MTDH: variants seen among roughly 807,000 people sequenced by gnomAD.
The protein encoded by MTDH is protein LYRIC.
In MTDH, 34 loss-of-function variants were observed where a neutral mutation model predicts 72.7. That is an observed-to-expected ratio of 0.47 (90% confidence interval 0.36 to 0.62). MTDH has a LOEUF of 0.62. Among genes scored for constraint, MTDH ranks in the 20% least tolerant of loss-of-function variants. MTDH has a pLI of 0.00. For synonymous variants in MTDH, 266 were observed against 268.9 expected (o/e 0.99, Z 0.10); for missense variants, 677 against 699.4 (o/e 0.97, Z 0.36).
chr8:97,655,565 C>T (rs1220053169), intron 1 of MTDH, among the ~76,000 whole-genome samples: 3 of 152,194 alleles, frequency 2.0e-5, no homozygotes, highest in Non-Finnish European at 2.9e-5. Context: ...ACCACCAGGA[C>T]TTAACATTCA....
intron 6 of MTDH, among the ~76,000 whole-genome samples, chr8:97,693,033 T>C (rs1813681800): frequency 6.6e-6 from 1 of 151,874 alleles, no homozygotes. Context: ...CACCTGGCCA[T>C]GTTTTGCGGT....
chr8:97,669,033 G>A (rs1289070020), intron 2 of MTDH, among the ~76,000 whole-genome samples: 2 of 152,048 alleles, frequency 1.3e-5, no homozygotes. Flanking sequence ...CTGAACTCCA[G>A]CCACATTGGT....
intron 1 of MTDH, among the ~76,000 whole-genome samples, chr8:97,654,686 A>G (rs1811898409): frequency 6.6e-6 from 1 of 152,070 alleles, no homozygotes; most frequent in Non-Finnish European, 1.5e-5. Flanking sequence ...TAAGCCCCAC[A>G]TGCATTAGGT....
At chr8:97,690,853 A>C in intron 5 of MTDH, 99 bp from the exon 6 acceptor site, 1 of 828,232 alleles carries the variant, frequency 1.2e-6, no homozygotes, top group Non-Finnish European at 1.8e-6. Context: ...AGGGGAAGTG[A>C]GTAATAAATA....
intron 5 of MTDH, among the ~76,000 whole-genome samples, chr8:97,690,075 A>G (rs538326463): frequency 6.7e-5 from 10 of 149,248 alleles, no homozygotes; most frequent in Non-Finnish European, 1.5e-5. Context: ...GCTCACTGCA[A>G]CCTCCGCCTC....
chr8:97,686,025 T>C (rs78960548), intron 2 of MTDH, among the ~76,000 whole-genome samples: 5,449 of 152,224 alleles, frequency 0.036, 298 homozygotes, highest in African/African-American at 0.12. Context: ...TGGATTGAAG[T>C]ATTAAACATC....
At chr8:97,700,028 A>G (rs1488925190) in intron 7 of MTDH, among the ~76,000 whole-genome samples, 176 bp downstream of exon 7, 4 of 152,254 alleles carry the variant, frequency 2.6e-5, no homozygotes. Context: ...CTGTAGAATT[A>G]AAACTGAATT....
chr8:97,717,013 G>A (rs944996874), intron 9 of MTDH, among the ~76,000 whole-genome samples: 3 of 152,124 alleles, frequency 2.0e-5, no homozygotes, highest in Non-Finnish European at 2.9e-5. Flanking sequence ...TGTGGCTGAT[G>A]GGGTCTTTCA....
chr8:97,654,303 A>C (rs1368773347), intron 1 of MTDH, among the ~76,000 whole-genome samples: 1 of 152,242 alleles, frequency 6.6e-6, no homozygotes, highest in Non-Finnish European at 1.5e-5. Context: ...TGCTGTGTGC[A>C]TAACATTTGG....
At chr8:97,677,105 C>CCA (rs1279593311) in intron 2 of MTDH, among the ~76,000 whole-genome samples, 1 of 146,328 alleles carries the variant, frequency 6.8e-6, no homozygotes, top group African/African-American at 2.5e-5. Context: ...ATCACTTGAG[C>CCA]CCAGGAGGTC....
At position 97,726,386 on chromosome 8, in the gene MTDH, A is replaced by G. The variant is rs1378620157; in HGVS notation, c.*1716A>G. On this transcript the variant is annotated 3_prime_UTR_variant, in exon 12 of 12. Coordinates refer to ENST00000336273, the MANE Select transcript of MTDH (RefSeq NM_178812.4). ...AAGAGCCAAGGATGAATTTCTTCAA[A>G]TGACTTTATTCTGTTAGCTTTACAT... 1.3e-5 allele frequency: 2 copies of G among 152,580 alleles called. No individual in the cohort carries two copies. The highest frequency in any genetic ancestry group is 3.8e-4 in the East Asian group (2 of 5,206). The allele number at this position is 152,580 out of a possible 1,614,324, so 9.5% of individuals were successfully genotyped here.
At chr8:97,690,913 A>G (rs771076059) in intron 5 of MTDH, 39 bp from the exon 6 acceptor site, 6 of 1,430,014 alleles carry the variant, frequency 4.2e-6, no homozygotes, top group Middle Eastern at 1.8e-4. Context: ...TTAAGAAGTC[A>G]TGTACCTGTT....
intron 2 of MTDH, among the ~76,000 whole-genome samples, chr8:97,670,483 G>C (rs964903848): frequency 6.6e-6 from 1 of 152,136 alleles, no homozygotes; most frequent in South Asian, 2.1e-4. Context: ...TTAGCTGGGT[G>C]TGGTGGCGTG....
At chr8:97,669,432 G>A (rs1224585074) in intron 2 of MTDH, among the ~76,000 whole-genome samples, 1 of 152,074 alleles carries the variant, frequency 6.6e-6, no homozygotes, top group Non-Finnish European at 1.5e-5. Flanking sequence ...ACAGGCATGA[G>A]CCACTGCGCC....
At chr8:97,682,249 TATATATA>T (rs1813137024) in intron 2 of MTDH, among the ~76,000 whole-genome samples, 2 of 5,960 alleles carry the variant, frequency 3.4e-4, no homozygotes, top group East Asian at 4.1e-3. Context: ...TATATATATA[TATATATA>T]TATATATATA....
intron 2 of MTDH, among the ~76,000 whole-genome samples, chr8:97,683,543 A>C (rs546088857): frequency 1.3e-5 from 2 of 150,446 alleles, no homozygotes; most frequent in Admixed American, 6.6e-5. Flanking sequence ...CCACAGTTGC[A>C]TGCCGCCACC....
rs1815347831 is a variant in MTDH, at chr8:97,726,273, G to A, written c.*1603G>A. On this transcript the variant is annotated 3_prime_UTR_variant, in exon 12 of 12. Transcript: ENST00000336273. ...GTCAGAAGTTTTGTTTAATTCTATGGTATTTCTAAATTGACTTGTTTAAAT... is the reference window on the plus strand; with the variant it reads ...GTCAGAAGTTTTGTTTAATTCTATGATATTTCTAAATTGACTTGTTTAAAT... 1 of 152,584 alleles carries A rather than the reference G, an allele frequency of 6.6e-6. No individual in the cohort carries two copies. Among genetic ancestry groups the A allele is most frequent in the Non-Finnish European group, 1.5e-5 (1 of 68,018 alleles). 9.5% of individuals were successfully genotyped at this position (152,584 alleles called of 1,614,324 possible).
chr8:97,670,958 T>G (rs868041604), intron 2 of MTDH, among the ~76,000 whole-genome samples: 17 of 132,522 alleles, frequency 1.3e-4, no homozygotes, highest in South Asian at 8.1e-4. Flanking sequence ...TGTTGTTTTT[T>G]TTTTTTTTTT....
chr8:97,718,193 C>A (rs1814953423), intron 9 of MTDH, among the ~76,000 whole-genome samples: 1 of 152,120 alleles, frequency 6.6e-6, no homozygotes, highest in South Asian at 2.1e-4. Context: ...CAGGCGTGCG[C>A]CACCACACCC....
Sources: gnomAD v4.1 joint callset for allele counts (sites outside exome capture counted in the v4.1 genomes callset) on GRCh38, gnomAD v4.1.1 for gene constraint, MANE v1.5 for transcripts, NCBI Gene and HGNC (gene_info 2026-07-23, HGNC 2026-07-21) for gene names.